Variants in CALN1 observed in about 807,000 individuals in gnomAD.
The protein encoded by CALN1 is calcium-binding protein 8.
In CALN1, 17 loss-of-function variants were observed where a neutral mutation model predicts 30.6. The observed-to-expected ratio is 0.56, with a 90% confidence interval of 0.38 to 0.83. The LOEUF is 0.83. Among genes scored for constraint, CALN1 ranks in the 40% least tolerant of loss-of-function variants. CALN1 has a pLI of 0.00. For missense variants in CALN1, 291 were observed against 354.9 expected (o/e 0.82, Z 1.45); for synonymous variants, 156 against 131.4 (o/e 1.19, Z -1.28).
Position 72,278,672 on chromosome 7 carries a change from G to A in CALN1, c.244+14C>T, listed in dbSNP as rs1183624121. ...GGAGGGGGGCCATCCCCCCAAACAG[G>A]GTAGGCTCCTTACCATCGAGCTCCT... On this transcript the variant is annotated intron_variant, in intron 3 of 6. Coordinates refer to ENST00000395275, the MANE Select transcript of CALN1 (RefSeq NM_031468.4). The A allele has an allele frequency of 6.2e-7, 1 of 1,610,724 alleles. No individual in the cohort carries two copies. Among genetic ancestry groups the A allele is most frequent in the African/African-American group, 1.3e-5 (1 of 74,978 alleles).
At chr7:71,837,667 ATG>A (rs1241139134) in intron 5 of CALN1, among the ~76,000 whole-genome samples, 2 of 152,218 alleles carry the variant, frequency 1.3e-5, no homozygotes, top group African/African-American at 4.8e-5. Context: ...GCCCTGAGAC[ATG>A]AATCAAAACA....
At chr7:72,124,137 G>A (rs901968550) in intron 3 of CALN1, among the ~76,000 whole-genome samples, 4 of 152,238 alleles carry the variant, frequency 2.6e-5, no homozygotes, top group African/African-American at 4.8e-5. Context: ...AAGAGACAGC[G>A]ACCTGGCTCA....
intron 2 of CALN1, among the ~76,000 whole-genome samples, chr7:72,358,963 C>CA (rs545772468): frequency 0.2 from 28,105 of 137,588 alleles, 3,211 homozygotes; most frequent in East Asian, 0.37. Flanking sequence ...GACTCTACCT[C>CA]AAAAAAAAAA....
the CALN1 span, among the ~76,000 whole-genome samples, chr7:72,472,390 A>C: frequency 4.6e-5 from 7 of 152,108 alleles, no homozygotes; most frequent in Admixed American, 4.6e-4. Context: ...ACCCCAACAC[A>C]TTCCCAACAT....
At chr7:71,832,826 G>C (rs887249528) in intron 5 of CALN1, among the ~76,000 whole-genome samples, 9 of 149,714 alleles carry the variant, frequency 6.0e-5, no homozygotes, top group Non-Finnish European at 1.2e-4. Flanking sequence ...GGCTGGTCTC[G>C]AACTCCTGAG....
intron 5 of CALN1, among the ~76,000 whole-genome samples, chr7:71,911,241 T>C (rs1229154334): frequency 6.6e-6 from 1 of 152,188 alleles, no homozygotes; most frequent in East Asian, 1.9e-4. Context: ...CTGCCAAGTC[T>C]CCACATTTGC....
At chr7:72,225,971 C>T (rs1648982541) in intron 3 of CALN1, among the ~76,000 whole-genome samples, 1 of 151,736 alleles carries the variant, frequency 6.6e-6, no homozygotes, top group South Asian at 2.1e-4. Flanking sequence ...TGGCACACAC[C>T]TGTAGTCCCA....
At chr7:72,325,950 G>A (rs762817223) in intron 2 of CALN1, among the ~76,000 whole-genome samples, 2 of 152,208 alleles carry the variant, frequency 1.3e-5, no homozygotes, top group Non-Finnish European at 2.9e-5. Context: ...CACCCAGGCT[G>A]GAATGCAGTG....
chr7:72,131,002 C>A (rs1325561173), intron 3 of CALN1, among the ~76,000 whole-genome samples: 1 of 152,140 alleles, frequency 6.6e-6, no homozygotes, highest in African/African-American at 2.4e-5. Flanking sequence ...TTGCCACAGC[C>A]CTCTTCCTTT....
Position 72,350,703 on chromosome 7 carries a change from T to C in CALN1, c.119+52548A>G, listed in dbSNP as rs553789573. Among the ~76,000 whole-genome samples, 5 of 152,198 alleles carry C rather than the reference T, an allele frequency of 3.3e-5. No homozygotes were observed. In the South Asian group the frequency reaches 1.0e-3, roughly 32 times the overall value. ...TATGCTTATTACCTGGGTAATGAAA[T>C]AATCTGTACACTAAATCCTTGCAAG... On this transcript the variant is annotated intron_variant, in intron 2 of 6. Coordinates refer to ENST00000395275, the MANE Select transcript of CALN1 (RefSeq NM_031468.4).
chr7:71,932,027 A>G (rs1795580956), intron 5 of CALN1, among the ~76,000 whole-genome samples: 1 of 152,142 alleles, frequency 6.6e-6, no homozygotes, highest in Non-Finnish European at 1.5e-5. Flanking sequence ...TTAAGGTGGT[A>G]GCTTCTGGAT....
chr7:71,792,110 G>C (rs186608605), intron 6 of CALN1, among the ~76,000 whole-genome samples: 50 of 152,272 alleles, frequency 3.3e-4, no homozygotes, highest in African/African-American at 1.2e-3. Flanking sequence ...ACAGAGCTGC[G>C]ACCTGGCACT....
intron 5 of CALN1, among the ~76,000 whole-genome samples, chr7:72,011,693 TGA>T (rs1383982742): frequency 1.3e-5 from 2 of 152,168 alleles, no homozygotes; most frequent in African/African-American, 4.8e-5. Context: ...TTTGCTTCAT[TGA>T]GAGAGAGTCT....
At chr7:72,348,170 A>C (rs1002772835) in intron 2 of CALN1, among the ~76,000 whole-genome samples, 5 of 152,232 alleles carry the variant, frequency 3.3e-5, no homozygotes, top group African/African-American at 9.6e-5. Context: ...GTTTGCATCA[A>C]CATAGTAAGT....
chr7:72,017,787 A>T (rs950470441), intron 5 of CALN1, among the ~76,000 whole-genome samples: 2 of 152,188 alleles, frequency 1.3e-5, no homozygotes, highest in African/African-American at 4.8e-5. Flanking sequence ...ATTGTGAATA[A>T]GATTAAAAAT....
At chr7:72,374,558 G>GA (rs144987102) in intron 2 of CALN1, among the ~76,000 whole-genome samples, 46,382 of 138,396 alleles carry the variant, frequency 0.34, 9,056 homozygotes, top group Middle Eastern at 0.49. Flanking sequence ...GGAAAAAAAA[G>GA]AAAAAAAAAA....
chr7:72,099,661 T>C (rs1011958350), intron 4 of CALN1, among the ~76,000 whole-genome samples: 2 of 152,170 alleles, frequency 1.3e-5, no homozygotes, highest in African/African-American at 2.4e-5. Context: ...AGGGACTGTA[T>C]AAATTTTTGT....
At chr7:71,964,089 C>T (rs1797406523) in intron 5 of CALN1, among the ~76,000 whole-genome samples, 1 of 152,204 alleles carries the variant, frequency 6.6e-6, no homozygotes, top group Admixed American at 6.5e-5. Context: ...TATGTATGTA[C>T]ATCTGAACTG....
chr7:71,871,448 T>C (rs1791921113), intron 5 of CALN1, among the ~76,000 whole-genome samples: 1 of 152,004 alleles, frequency 6.6e-6, no homozygotes, highest in African/African-American at 2.4e-5. Flanking sequence ...GGAAAAAGCA[T>C]CAAGTTGCCA....
Sources: gnomAD v4.1 joint callset for allele counts (sites outside exome capture counted in the v4.1 genomes callset) on GRCh38, gnomAD v4.1.1 for gene constraint, MANE v1.5 for transcripts, NCBI Gene and HGNC (gene_info 2026-07-23, HGNC 2026-07-21) for gene names.